DDX25: variants seen among roughly 807,000 people sequenced by gnomAD.
DDX25 encodes the protein ATP-dependent RNA helicase DDX25.
In DDX25, 70 loss-of-function variants were observed where a neutral mutation model predicts 64.6. That is an observed-to-expected ratio of 1.08 (90% CI 0.89 to 1.32). The LOEUF is 1.32. DDX25 is among the 40% of genes most tolerant of loss of function. DDX25 has a pLI of 0.00. For missense variants in DDX25, 587 were observed against 604.4 expected (o/e 0.97, Z 0.30); for synonymous variants, 211 against 213.3 (o/e 0.99, Z 0.09).
At chr11:125,915,753 G>C (rs1206698649) in intron 8 of DDX25, among the ~76,000 whole-genome samples, 2 of 152,098 alleles carry the variant, frequency 1.3e-5, no homozygotes, top group African/African-American at 2.4e-5. Context: ...TGATTCTCTG[G>C]TTCCTGTAGC....
Position 125,925,407 on chromosome 11 carries a change from G to T in DDX25, c.*2526G>T, listed in dbSNP as rs766405116. The T allele has an allele frequency of 6.6e-6, 3 of 456,152 alleles. No homozygotes were observed. Among genetic ancestry groups the T allele is most frequent in the African/African-American group, 2.0e-5 (1 of 50,070 alleles). 28.3% of individuals were successfully genotyped at this position (456,152 alleles called of 1,614,324 possible). The stretch of plus-strand genomic sequence containing the variant: ...TCCTGTGTCACAGCTGCATTAACAC[G>T]AACTGGCTAGTTTGGTGAGTCAACA... On this transcript the variant is annotated 3_prime_UTR_variant, in exon 12 of 12. Transcript: ENST00000263576.
At position 125,923,855 on chromosome 11, in the gene DDX25, G is replaced by C. The variant is rs1945143336; in HGVS notation, c.*974G>C. The C allele has an allele frequency of 6.6e-6, 1 of 152,204 alleles. No individual in the cohort carries two copies. Among genetic ancestry groups the C allele is most frequent in the African/African-American group, 2.4e-5 (1 of 41,452 alleles). The allele number at this position is 152,204 out of a possible 1,614,324, so 9.4% of individuals were successfully genotyped here. A position where few individuals can be genotyped will look rare whatever the true frequency, so the allele number is the denominator to read the frequency against. On this transcript the variant is annotated 3_prime_UTR_variant, in exon 12 of 12. Transcript: ENST00000263576. ...ACGGCACCAAACTGCACCAGTGGCT[G>C]CAGTGAGTGGCCCTGTCATCGGTGG... is the stretch of plus-strand genomic sequence containing the variant.
chr11:125,911,298 C>A lies in DDX25; in HGVS notation c.623-13C>A. On this transcript the variant is annotated splice_polypyrimidine_tract_variant and intron_variant, in intron 7 of 11. Transcript: ENST00000263576. ...TGCATCTGAAGGAGTGCTTAAAACC[C>A]TTTTCTCCCCAGTTCCCAGAGGCAC... The A allele has an allele frequency of 6.2e-7, 1 of 1,603,054 alleles. No individual in the cohort carries two copies. Among genetic ancestry groups the A allele is most frequent in the Non-Finnish European group, 8.5e-7 (1 of 1,174,414 alleles).
Position 125,925,813 on chromosome 11 carries a change from A to C in DDX25, c.*2932A>C. The C allele has an allele frequency of 5.3e-6, 1 of 188,872 alleles. No homozygotes were observed. The highest frequency in any genetic ancestry group is 9.3e-5 in the South Asian group (1 of 10,720). 11.7% of individuals were successfully genotyped at this position (188,872 alleles called of 1,614,324 possible). A position where few individuals can be genotyped will look rare whatever the true frequency, so the allele number is the denominator to read the frequency against. On this transcript the variant is annotated 3_prime_UTR_variant, in exon 12 of 12. Coordinates refer to ENST00000263576, the MANE Select transcript of DDX25 (RefSeq NM_013264.5). ...ACCATTAATAATAGGAAAGGCAAATAAGTTGGTCATAGTCTGGTAGGATGT... is the reference window on the plus strand; with the variant it reads ...ACCATTAATAATAGGAAAGGCAAATCAGTTGGTCATAGTCTGGTAGGATGT...
intron 10 of DDX25, chr11:125,920,816 G>A: frequency 5.4e-6 from 1 of 185,488 alleles, no homozygotes; most frequent in Admixed American, 5.4e-5. Context: ...GGGCAAGCGG[G>A]TGTGAGACTA....
chr11:125,921,503 G>C lies in DDX25; in HGVS notation c.1390+124G>C, dbSNP rs1167889427. 9.9e-6 allele frequency: 11 copies of C among 1,112,696 alleles called. No homozygotes were observed. The highest frequency in any genetic ancestry group is 8.5e-5 in the Admixed American group (3 of 35,222). The allele number at this position is 1,112,696 out of a possible 1,614,324, so 68.9% of individuals were successfully genotyped here. A position where few individuals can be genotyped will look rare whatever the true frequency, so the allele number is the denominator to read the frequency against. ...TAGAAGCAGAATGCATGAGCTGGAA[G>C]GCTTCTAATTCACAGGACCAGGGTT... On this transcript the variant is annotated intron_variant, in intron 11 of 11. Transcript: ENST00000263576. The surrounding 1 kb of genome is among the most constrained non-coding windows in gnomAD (Gnocchi z 4.1).
intron 6 of DDX25, 38 bp downstream of exon 6, chr11:125,908,541 C>G: frequency 1.3e-6 from 2 of 1,552,290 alleles, no homozygotes; most frequent in Non-Finnish European, 1.8e-6. Flanking sequence ...AATGCTTGCA[C>G]TACCAGTGCT....
In DDX25 at chr11:125,904,573, A is replaced by G. The variant is rs770345380; in HGVS notation, c.56A>G (p.Asn19Ser). 32 of 1,491,840 alleles carry G rather than the reference A, an allele frequency of 2.1e-5. No individual in the cohort carries two copies. Among genetic ancestry groups the G allele is most frequent in the Middle Eastern group, 4.6e-4 (2 of 4,332 alleles). The allele number at this position is 1,491,840 out of a possible 1,614,324, so 92.4% of individuals were successfully genotyped here. The change falls in exon 1 of 12, where the codon AAC becomes AGC. Residue 19 changes from asparagine (N) to serine (S), a missense_variant. Asn to Ser is a conservative substitution (Grantham distance 46). Coordinates refer to ENST00000263576, the MANE Select transcript of DDX25 (RefSeq NM_013264.5). ...GGGGCGGCGGAGAGCGAGCGGCTGA[A>G]CAGCCACGTAACCGCCACCGAGCCG... ...DAGAAESERL[N>S]SHFSNLSQPR...
Position 125,923,799 on chromosome 11 carries a change from T to G in DDX25, c.*918T>G, listed in dbSNP as rs1945142769. ...GTCCCCCAGAAAGCCGGAGCGGATC[T>G]TGTAACCAGAGCGCCGGTACCAGCT... On this transcript the variant is annotated 3_prime_UTR_variant, in exon 12 of 12. Transcript: ENST00000263576. The G allele has an allele frequency of 6.6e-6, 1 of 152,164 alleles. No individual in the cohort carries two copies. The highest frequency in any genetic ancestry group is 2.4e-5 in the African/African-American group (1 of 41,442). 9.4% of individuals were successfully genotyped at this position (152,164 alleles called of 1,614,324 possible).
In DDX25 at chr11:125,904,541, C is replaced by T. The variant is rs769094618; in HGVS notation, c.24C>T (p.Gly8=). The part of the protein sequence containing the change: MASLLWG[G]DAGAAESERL... ...CCATGGCGTCGTTACTGTGGGGAGG[C>T]GACGCAGGGGCGGCGGAGAGCGAGC... The change falls in exon 1 of 12, where the codon GGC becomes GGT. Residue 8 remains glycine (G), a synonymous_variant. Transcript: ENST00000263576. The T allele has an allele frequency of 6.7e-7, 1 of 1,498,676 alleles. No individual in the cohort carries two copies. The highest frequency in any genetic ancestry group is 8.9e-7 in the Non-Finnish European group (1 of 1,124,934). 92.8% of individuals were successfully genotyped at this position (1,498,676 alleles called of 1,614,324 possible).
chr11:125,907,816 C>T (rs946658095), intron 4 of DDX25, among the ~76,000 whole-genome samples: 4 of 152,160 alleles, frequency 2.6e-5, no homozygotes, highest in Admixed American at 6.5e-5. Context: ...ATGTCAATAT[C>T]GTTCGTGAAA....
rs1322706139 is a variant in DDX25 at position 125,917,123 on chromosome 11, A to G, written c.910A>G (p.Lys304Glu). 7 of 1,610,606 alleles carry G rather than the reference A, an allele frequency of 4.3e-6. No homozygotes were observed. Among genetic ancestry groups the G allele is most frequent in the Non-Finnish European group, 5.1e-6 (6 of 1,178,734 alleles). ...IPDPNVIKLRKEELTLNNIRQ... is the reference protein window; with the variant it reads ...IPDPNVIKLREEELTLNNIRQ... ...TGACCCTAATGTTATCAAGTTACGC[A>G]AAGAGGAGCTCACACTGAACAACAT... The change falls in exon 9 of 12, where the codon AAA becomes GAA. Residue 304 changes from lysine (K) to glutamate (E), a missense_variant. Lys to Glu is a moderately conservative substitution (Grantham distance 56). Transcript: ENST00000263576.
At position 125,920,088 on chromosome 11, in the gene DDX25, G is replaced by C. The variant is rs755655261; in HGVS notation, c.1202-1103G>C. Among the ~76,000 whole-genome samples the C allele has an allele frequency of 4.5e-4, 69 of 152,176 alleles. 1 individual carries two copies. The highest frequency in any genetic ancestry group is 8.2e-4 in the Non-Finnish European group (56 of 68,034). ...ACAGCTTGTTAATGTTGAGAAGGAA[G>C]GTACAGTGGGGAGGGGAAGTGCAGA... On this transcript the variant is annotated intron_variant, in intron 10 of 11. Transcript: ENST00000263576.
intron 8 of DDX25, among the ~76,000 whole-genome samples, chr11:125,914,777 C>A (rs1565466035): frequency 6.6e-6 from 1 of 152,070 alleles, no homozygotes; most frequent in East Asian, 1.9e-4. Context: ...CACTGTGTCA[C>A]CCAGGCTGGA....
At chr11:125,903,735 T>C (rs756578541), upstream of DDX25, among the ~76,000 whole-genome samples, 1 of 79,390 alleles carries the variant, frequency 1.3e-5, no homozygotes, top group African/African-American at 5.2e-5. Flanking sequence ...ATCTCAAAAT[T>C]ACAATTAGAA....
At chr11:125,909,279 G>C (rs565107339) in intron 6 of DDX25, among the ~76,000 whole-genome samples, 2 of 152,138 alleles carry the variant, frequency 1.3e-5, no homozygotes, top group Non-Finnish European at 2.9e-5. Flanking sequence ...GAAATCTTAC[G>C]CATTTTAGAC....
chr11:125,908,163 A>T (rs1337250939), intron 4 of DDX25, 33 bp from the exon 5 acceptor site: 1 of 1,516,272 alleles, frequency 6.6e-7, no homozygotes, highest in African/African-American at 1.6e-5. Context: ...GACCAACTAT[A>T]ATCTGTAAGT....
chr11:125,925,878 A>C lies in DDX25; in HGVS notation c.*2997A>C, dbSNP rs1945162613. On this transcript the variant is annotated 3_prime_UTR_variant, in exon 12 of 12. Transcript: ENST00000263576. ...TCAAGAGACATTATTGCTTTTGGTC[A>C]TGAGAAAGTGTTGATCCTCCTCAGC... 5.9e-6 allele frequency: 1 copy of C among 168,196 alleles called. No homozygotes were observed. The highest frequency in any genetic ancestry group is 1.3e-5 in the Non-Finnish European group (1 of 77,050). The allele number at this position is 168,196 out of a possible 1,614,324, so 10.4% of individuals were successfully genotyped here.
At chr11:125,909,611 C>CT (rs1452217289) in intron 6 of DDX25, among the ~76,000 whole-genome samples, 1 of 150,454 alleles carries the variant, frequency 6.6e-6, no homozygotes, top group East Asian at 1.9e-4. Context: ...ATAATATAAA[C>CT]AGATTGGATC....
Sources: allele counts gnomAD v4.1 joint callset (sites outside exome capture counted in the v4.1 genomes callset), GRCh38; gene constraint gnomAD v4.1.1; non-coding constraint Gnocchi (gnomAD v3.1); transcripts MANE v1.5; gene names NCBI Gene and HGNC (gene_info 2026-07-23, HGNC 2026-07-21).